The following NINL variants were observed in gnomAD, a reference collection of about 807,000 sequenced individuals.
The protein encoded by NINL is ninein like, also known as ninein-like protein.
NINL carries 153 observed loss-of-function variants against 160.3 expected under a neutral mutation model. That is an observed-to-expected ratio of 0.95 (90% CI 0.84 to 1.09). NINL has a LOEUF of 1.09. NINL is among the 50% of genes least tolerant of loss of function. NINL has a pLI of 0.00. For missense variants in NINL, 1,829 were observed against 1,764.0 expected (o/e 1.04, Z -0.66); for synonymous variants, 800 against 734.8 (o/e 1.09, Z -1.43).
At chr20:25,495,836 T>C (rs1228601714) in intron 10 of NINL, among the ~76,000 whole-genome samples, 1 of 152,128 alleles carries the variant, frequency 6.6e-6, no homozygotes, top group Non-Finnish European at 1.5e-5. Context: ...GGTGGTTGTA[T>C]CCTTAAACAA....
At chr20:25,576,271 T>C (rs534011167) in intron 1 of NINL, among the ~76,000 whole-genome samples, 17 of 152,298 alleles carry the variant, frequency 1.1e-4, no homozygotes, top group Admixed American at 8.5e-4. Context: ...AGAGTCTGTC[T>C]GGTGTCTGCA....
At chr20:25,562,102 C>A (rs1323674987) in intron 1 of NINL, among the ~76,000 whole-genome samples, 1 of 146,564 alleles carries the variant, frequency 6.8e-6, no homozygotes, top group African/African-American at 2.6e-5. Context: ...CCCAGCCAGC[C>A]GCCCCGTCCG....
chr20:25,477,273 C>T (rs534508067), intron 16 of NINL, among the ~76,000 whole-genome samples, 184 bp from the exon 17 acceptor site: 2 of 152,352 alleles, frequency 1.3e-5, no homozygotes, highest in South Asian at 2.1e-4. Flanking sequence ...AGAGTCCAGA[C>T]GAGGATCCGC....
At chr20:25,501,094 G>C in intron 7 of NINL, 84 bp from the exon 8 acceptor site, 3 of 1,494,874 alleles carry the variant, frequency 2.0e-6, no homozygotes, top group Non-Finnish European at 2.7e-6. Context: ...ACCCTCCCCA[G>C]CCTGTGCTCA....
At chr20:25,560,949 G>C (rs1163266999) in intron 1 of NINL, among the ~76,000 whole-genome samples, 1 of 150,824 alleles carries the variant, frequency 6.6e-6, no homozygotes, top group African/African-American at 2.4e-5. Context: ...GCTAAACAAA[G>C]TTCTTCAGCT....
intron 1 of NINL, among the ~76,000 whole-genome samples, chr20:25,545,050 C>T (rs2064715524): frequency 6.6e-6 from 1 of 152,180 alleles, no homozygotes; most frequent in Non-Finnish European, 1.5e-5. Flanking sequence ...TAGGGAGCAT[C>T]CAGGAAAACC....
At chr20:25,493,901 C>T (rs919831856) in intron 10 of NINL, among the ~76,000 whole-genome samples, 7 of 152,236 alleles carry the variant, frequency 4.6e-5, no homozygotes, top group Admixed American at 6.5e-5. Flanking sequence ...CCTGGCTTTT[C>T]GCCTCACCAG....
At chr20:25,474,893 T>C (rs2063192904) in intron 17 of NINL, among the ~76,000 whole-genome samples, 1 of 151,368 alleles carries the variant, frequency 6.6e-6, no homozygotes, top group East Asian at 2.0e-4. Context: ...GTTCAAGCGA[T>C]TCTCCTGCCT....
chr20:25,547,199 A>G (rs755817399), intron 1 of NINL, among the ~76,000 whole-genome samples: 7 of 152,110 alleles, frequency 4.6e-5, no homozygotes, highest in African/African-American at 1.7e-4. Context: ...TGACTCTAGG[A>G]GGAAAGGGGC....
intron 1 of NINL, among the ~76,000 whole-genome samples, chr20:25,583,902 C>T (rs2065199890): frequency 6.6e-6 from 1 of 152,162 alleles, no homozygotes; most frequent in Admixed American, 6.5e-5. Flanking sequence ...CATGTTCTCA[C>T]TCATAAGTGG....
intron 5 of NINL, among the ~76,000 whole-genome samples, 186 bp from the exon 6 acceptor site, chr20:25,505,264 A>G (rs755367475): frequency 2.7e-5 from 4 of 148,390 alleles, no homozygotes; most frequent in Non-Finnish European, 6.0e-5. Context: ...GTGGGATCTA[A>G]GGAAAGGGGA....
Position 25,470,091 on chromosome 20 carries a change from C to G in NINL, c.3253G>C (p.Glu1085Gln). 1 of 1,613,610 alleles carries G rather than the reference C, an allele frequency of 6.2e-7. No individual in the cohort carries two copies. Among genetic ancestry groups the G allele is most frequent in the African/African-American group, 1.3e-5 (1 of 75,054 alleles). Residue 1085 changes from glutamate (E) to glutamine (Q), a missense_variant, in exon 18 of 24, where the codon GAG becomes CAG. Physicochemically the swap from Glu to Gln is conservative, Grantham distance 29 (BLOSUM62 2). Transcript: ENST00000278886. ...TTTTCTTCAGAAAGTCTATGGAACT[C>G]CAGTCTGCGTAAAAATTGAGAAAAG... ...HVDLRENDRLEFHRLSEENTL... is the reference protein window; with the variant it reads ...HVDLRENDRLQFHRLSEENTL...
At chr20:25,566,272 G>T (rs183284122) in intron 1 of NINL, among the ~76,000 whole-genome samples, 125 of 152,242 alleles carry the variant, frequency 8.2e-4, no homozygotes, top group African/African-American at 2.8e-3. Flanking sequence ...GCCATCTACA[G>T]CTACAATAAA....
chr20:25,458,782 A>T, intron 21 of NINL: 1 of 484,140 alleles, frequency 2.1e-6, no homozygotes, highest in Admixed American at 3.8e-5. Context: ...GGTGACGCTG[A>T]CCTCCTGTCA....
At position 25,477,136 on chromosome 20, in the gene NINL, C is replaced by T. The variant is rs752616116; in HGVS notation, c.2202-47G>A. On this transcript the variant is annotated intron_variant, in intron 16 of 23. Transcript: ENST00000278886. ...ACACCACAGCCCTGCCGCCCCCAGC[C>T]CCTCTCTCGGGTTTGAAGTCTGCCC... 85 of 1,497,412 alleles carry T rather than the reference C, an allele frequency of 5.7e-5. No individual in the cohort carries two copies. The African/African-American group carries it at 9.7e-4, about 17-fold the overall frequency. The allele number at this position is 1,497,412 out of a possible 1,614,324, so 92.8% of individuals were successfully genotyped here.
At chr20:25,489,014 A>G in intron 13 of NINL, 1 of 544,832 alleles carries the variant, frequency 1.8e-6, no homozygotes, top group South Asian at 2.4e-5. Context: ...GAACAACAGA[A>G]GACAACAATG....
intron 1 of NINL, among the ~76,000 whole-genome samples, chr20:25,529,198 C>G (rs1407082453): frequency 6.6e-6 from 1 of 151,966 alleles, no homozygotes; most frequent in East Asian, 1.9e-4. Context: ...AGCTTGAGCC[C>G]AGGATTCAAG....
chr20:25,459,714 C>G (rs1476505487), intron 21 of NINL, among the ~76,000 whole-genome samples: 2 of 152,156 alleles, frequency 1.3e-5, no homozygotes, highest in Admixed American at 6.5e-5. Flanking sequence ...ACCGAACCCC[C>G]ACTAATTAAG....
Position 25,526,590 on chromosome 20 carries a change from C to A in NINL, c.-3G>T. ...TAGTGGTTCTCTTCTTCATCCATCC[C>A]ATAGCAGGCTGGCAGTGTGCAAGGG... On this transcript the variant is annotated 5_prime_UTR_variant, in exon 2 of 24. The change abolishes an upstream ATG in the 5' untranslated region. Transcript: ENST00000278886. 6.2e-7 allele frequency: 1 copy of A among 1,612,682 alleles called. No homozygotes were observed. Among genetic ancestry groups the A allele is most frequent in the East Asian group, 2.2e-5 (1 of 44,852 alleles).
Sources: allele counts gnomAD v4.1 joint callset (sites outside exome capture counted in the v4.1 genomes callset), GRCh38; gene constraint gnomAD v4.1.1; transcripts MANE v1.5; gene names NCBI Gene and HGNC (gene_info 2026-07-23, HGNC 2026-07-21).